SLC12A2: variants seen among roughly 807,000 people sequenced by gnomAD.
SLC12A2 encodes the protein Na-K-2Cl cotransporter 1.
SLC12A2 carries 67 observed loss-of-function variants against 136.3 expected under a neutral mutation model. The observed-to-expected ratio is 0.49, with a 90% CI of 0.40 to 0.60. The LOEUF (loss-of-function observed/expected upper bound fraction) is 0.60, where lower values mean the gene tolerates loss of function less well. SLC12A2 is among the 20% of genes least tolerant of loss of function. The pLI is 0.00. For missense variants in SLC12A2, 1,322 were observed against 1,534.7 expected, an observed-to-expected ratio of 0.86 and a Z score of 2.32; for synonymous variants, 619 against 562.9, an observed-to-expected ratio of 1.10 and a Z score of -1.41.
intron 1 of SLC12A2, among the ~76,000 whole-genome samples, chr5:128,096,266 A>G (rs542271385): frequency 6.6e-6 from 1 of 152,248 alleles, no homozygotes; most frequent in East Asian, 1.9e-4. Flanking sequence ...TTAAGTATGA[A>G]CAAAACATGG....
intron 11 of SLC12A2, among the ~76,000 whole-genome samples, chr5:128,148,050 A>G (rs564467220): frequency 6.6e-6 from 1 of 151,780 alleles, no homozygotes; most frequent in Non-Finnish European, 1.5e-5. Context: ...TAAGACTGAA[A>G]ATAGGAAGTA....
At chr5:128,114,798 C>A in intron 4 of SLC12A2, 117 bp downstream of exon 4, 1 of 646,928 alleles carries the variant, frequency 1.5e-6, no homozygotes. Flanking sequence ...TCTATATAGA[C>A]AAGAAAGTTG....
chr5:128,175,465 TC>T (rs953347328), intron 20 of SLC12A2, among the ~76,000 whole-genome samples: 1 of 152,068 alleles, frequency 6.6e-6, no homozygotes, highest in African/African-American at 2.4e-5. Context: ...GTTCCTATAT[TC>T]CAGCATTTAT....
At chr5:128,115,101 G>A (rs970646250) in intron 4 of SLC12A2, among the ~76,000 whole-genome samples, 3 of 152,126 alleles carry the variant, frequency 2.0e-5, no homozygotes, top group Non-Finnish European at 2.9e-5. Flanking sequence ...ATAGCATTGC[G>A]TGAGCTATAC....
chr5:128,134,510 C>T (rs929118850), intron 6 of SLC12A2, among the ~76,000 whole-genome samples: 5 of 151,966 alleles, frequency 3.3e-5, no homozygotes, highest in Admixed American at 1.3e-4. Context: ...TTGAATTTCC[C>T]GCCTTCTCGC....
chr5:128,152,658 GGTT>G (rs1347347603), intron 14 of SLC12A2, 45 bp from the exon 15 acceptor site: 13 of 1,162,068 alleles, frequency 1.1e-5, no homozygotes, highest in East Asian at 2.3e-5. Context: ...GCTATTGATT[GGTT>G]GTTATTACTG....
At chr5:128,148,981 C>A in intron 12 of SLC12A2, 104 bp downstream of exon 12, 1 of 1,016,900 alleles carries the variant, frequency 9.8e-7, no homozygotes, top group East Asian at 2.6e-5. Context: ...TACTAAGTTT[C>A]TTTGTAATCA....
intron 7 of SLC12A2, among the ~76,000 whole-genome samples, chr5:128,138,202 G>T (rs150385361): frequency 6.6e-6 from 1 of 152,132 alleles, no homozygotes; most frequent in Non-Finnish European, 1.5e-5. Context: ...GTCTCCCAAC[G>T]TGCTGAAATT....
intron 10 of SLC12A2, among the ~76,000 whole-genome samples, chr5:128,142,459 G>T (rs1211610470): frequency 6.6e-6 from 1 of 152,054 alleles, no homozygotes; most frequent in Non-Finnish European, 1.5e-5. Context: ...ACTAAAATAT[G>T]AATGGATAAA....
At chr5:128,147,215 C>T (rs116268570) in intron 10 of SLC12A2, among the ~76,000 whole-genome samples, 1,618 of 150,662 alleles carry the variant, frequency 0.011, 39 homozygotes, top group African/African-American at 0.038. Flanking sequence ...TTCTAAGCTG[C>T]GACAGTGGCA....
At chr5:128,133,398 C>T (rs1313014434) in intron 5 of SLC12A2, among the ~76,000 whole-genome samples, 1 of 151,880 alleles carries the variant, frequency 6.6e-6, no homozygotes, top group African/African-American at 2.4e-5. Flanking sequence ...TTTTTTCCTC[C>T]CTTGTAATTG....
intron 1 of SLC12A2, among the ~76,000 whole-genome samples, chr5:128,105,241 G>A (rs1760888399): frequency 6.6e-6 from 1 of 152,188 alleles, no homozygotes; most frequent in Non-Finnish European, 1.5e-5. Flanking sequence ...CACAAAAGAG[G>A]ACTGAACCTA....
chr5:128,171,634 TG>T, intron 18 of SLC12A2, 32 bp from the exon 19 acceptor site: 1 of 1,408,422 alleles, frequency 7.1e-7, no homozygotes. Flanking sequence ...ATTTTTTTTT[TG>T]GTTTTTTCAT....
intron 1 of SLC12A2, among the ~76,000 whole-genome samples, chr5:128,091,520 A>G (rs971288427): frequency 6.6e-6 from 1 of 152,212 alleles, no homozygotes; most frequent in Non-Finnish European, 1.5e-5. Context: ...CACAAAGTGA[A>G]AGCCCACTGA....
intron 7 of SLC12A2, 100 bp from the exon 8 acceptor site, chr5:128,138,497 A>T: frequency 9.4e-7 from 1 of 1,069,170 alleles, no homozygotes; most frequent in Non-Finnish European, 1.3e-6. Context: ...ACTTTAACTG[A>T]AGAAAAGTTA....
chr5:128,092,422 C>T (rs1311471242), intron 1 of SLC12A2, among the ~76,000 whole-genome samples: 6 of 152,062 alleles, frequency 3.9e-5, no homozygotes, highest in African/African-American at 1.4e-4. Flanking sequence ...GACTGAGGAC[C>T]CCAGTCCGAA....
chr5:128,103,062 G>C (rs2126655741), intron 1 of SLC12A2, among the ~76,000 whole-genome samples: 1 of 152,280 alleles, frequency 6.6e-6, no homozygotes, highest in Non-Finnish European at 1.5e-5. Flanking sequence ...TTTTATACGA[G>C]TATCTTGCTT....
At chr5:128,140,618 C>G (rs1762331912) in intron 9 of SLC12A2, among the ~76,000 whole-genome samples, 1 of 149,922 alleles carries the variant, frequency 6.7e-6, no homozygotes, top group Admixed American at 6.6e-5. Context: ...AGGGGTAACC[C>G]CTTGATGCTG....
rs17164310 is a variant in SLC12A2, at chr5:128,157,987, A to G, written c.2364-66A>G. Reference sequence around the variant, plus strand: ...ATACAGAAAGCTTCTTAGGGAAACAACTTAAAATCTTGTTGCCAGAAACAC... The same window carrying G: ...ATACAGAAAGCTTCTTAGGGAAACAGCTTAAAATCTTGTTGCCAGAAACAC... On this transcript the variant is annotated intron_variant, in intron 15 of 26. Transcript: ENST00000262461. The G allele has an allele frequency of 0.22, 292,603 of 1,338,928 alleles. 33,485 individuals are homozygous for G. The highest frequency in any genetic ancestry group is 0.34 in the East Asian group (14,614 of 42,486). The allele number at this position is 1,338,928 out of a possible 1,614,324, so 82.9% of individuals were successfully genotyped here. A position where few individuals can be genotyped will look rare whatever the true frequency, so the allele number is the denominator to read the frequency against.
Sources: gnomAD v4.1 joint callset for allele counts (sites outside exome capture counted in the v4.1 genomes callset) on GRCh38, gnomAD v4.1.1 for gene constraint, MANE v1.5 for transcripts, NCBI Gene and HGNC (gene_info 2026-07-23, HGNC 2026-07-21) for gene names.